ARMCX4: variants seen among roughly 807,000 people sequenced by gnomAD.
ARMCX4 encodes the protein armadillo repeat-containing X-linked protein 4.
In ARMCX4, 3 loss-of-function variants were observed where a neutral mutation model predicts 34.7. The observed-to-expected ratio is 0.09, with a 90% CI of 0.04 to 0.22. The LOEUF (loss-of-function observed/expected upper bound fraction) is 0.22. Ranked by LOEUF, ARMCX4 falls within the 10% of genes least tolerant of loss-of-function variation. The pLI, the probability that ARMCX4 is intolerant of heterozygous loss-of-function variation, is 1.00. For synonymous variants in ARMCX4, 513 were observed against 632.8 expected, an observed-to-expected ratio of 0.81 and a Z score of 2.84; for missense variants, 1,448 against 1,720.8, an observed-to-expected ratio of 0.84 and a Z score of 2.81.
Position 101,493,486 on chromosome X carries a change from G to A in ARMCX4, c.4897G>A (p.Gly1633Arg), listed in dbSNP as rs1556010377. ...GGGGCCTGCAGACCAGTCCAGTGGTGGGTCCTGGGCTGGCACTGGGAATCA... is the reference window on the plus strand; with the variant it reads ...GGGGCCTGCAGACCAGTCCAGTGGTAGGTCCTGGGCTGGCACTGGGAATCA... ...RPGPADQSSG[G>R]SWAGTGNQSS... The change falls in exon 6 of 6, where the codon GGG becomes AGG. Residue 1633 changes from glycine (G) to arginine (R), a missense_variant. By Grantham distance (125) the Gly-to-Arg change is moderately radical. This residue lies in a region of ARMCX4 where 1,343 missense variants were observed against 1,540.7 expected (regional missense o/e 0.87). Coordinates refer to ENST00000423738, the MANE Select transcript of ARMCX4 (RefSeq NM_001256155.3). 2 of 1,155,597 alleles carry A rather than the reference G, an allele frequency of 1.7e-6. No homozygotes were observed. Among genetic ancestry groups the A allele is most frequent in the East Asian group, 3.3e-5 (1 of 30,764 alleles).
At chrX:101,503,789 A>G (rs782582396) in intron 7 of ARMCX4, among the ~76,000 whole-genome samples, 3,729 of 110,021 alleles carry the variant, frequency 0.034, 115 homozygotes, top group African/African-American at 0.094. Context: ...TCTTTAGTTG[A>G]ATTAGATCCC....
At chrX:101,433,071 T>C (rs201926204) in intron 2 of ARMCX4, among the ~76,000 whole-genome samples, 2,014 of 39,213 alleles carry the variant, frequency 0.051, 5 homozygotes, top group Non-Finnish European at 0.086. Context: ...CGTGTATATA[T>C]ACACATATGT....
chrX:101,422,108 C>T (rs782606431), intron 2 of ARMCX4, among the ~76,000 whole-genome samples: 286 of 107,193 alleles, frequency 2.7e-3, no homozygotes, highest in Non-Finnish European at 4.2e-3. Context: ...CTCTGCCTCC[C>T]GGGTTCAAGC....
At chrX:101,440,860 G>T (rs1931239516) in intron 2 of ARMCX4, among the ~76,000 whole-genome samples, 2 of 111,222 alleles carry the variant, frequency 1.8e-5, no homozygotes, top group South Asian at 7.7e-4. Context: ...CGATTTTCCA[G>T]GTGCCGTCTG....
At chrX:101,468,102 T>C (rs868977862) in intron 4 of ARMCX4, among the ~76,000 whole-genome samples, 2 of 110,446 alleles carry the variant, frequency 1.8e-5, no homozygotes, top group African/African-American at 3.3e-5. Context: ...TTTAGTTAAG[T>C]ATATGGTAAA....
chrX:101,424,069 G>A, intron 2 of ARMCX4, among the ~76,000 whole-genome samples: 1 of 110,748 alleles, frequency 9.0e-6, no homozygotes, highest in Admixed American at 9.6e-5. Context: ...TGCCATGTTG[G>A]TGGGGCTGGT....
chrX:101,503,459 C>T (rs1331995770), intron 7 of ARMCX4, among the ~76,000 whole-genome samples: 2 of 111,647 alleles, frequency 1.8e-5, no homozygotes, highest in Non-Finnish European at 3.8e-5. Flanking sequence ...TGTTTCCTTA[C>T]TTTTTAATGA....
intron 4 of ARMCX4, among the ~76,000 whole-genome samples, chrX:101,459,885 G>A (rs1392347425): frequency 1.8e-5 from 2 of 112,242 alleles, no homozygotes; most frequent in Middle Eastern, 4.2e-3. Flanking sequence ...AGTCATTTAT[G>A]GAGTGGAGCA....
intron 11 of ARMCX4, among the ~76,000 whole-genome samples, chrX:101,519,680 T>C (rs1482006906): frequency 8.9e-6 from 1 of 111,806 alleles, no homozygotes; most frequent in Non-Finnish European, 1.9e-5. Context: ...CTTCTAGATA[T>C]ATATACAGAA....
chrX:101,479,307 CA>C (rs1556004913), intron 4 of ARMCX4, among the ~76,000 whole-genome samples: 15 of 641 alleles, frequency 0.023, no homozygotes, highest in Admixed American at 0.17. Context: ...AAGAAAACCA[CA>C]CACACACACA....
chrX:101,447,466 C>G (rs1265774468), downstream of ARMCX4: 1 of 111,961 alleles, frequency 8.9e-6, no homozygotes, highest in Non-Finnish European at 1.9e-5. Flanking sequence ...CGACTAAACC[C>G]TGACAAGGTT....
chrX:101,421,862 G>T (rs782752696), intron 2 of ARMCX4, among the ~76,000 whole-genome samples: 1 of 110,528 alleles, frequency 9.0e-6, no homozygotes, highest in African/African-American at 3.3e-5. Flanking sequence ...CTTGCCTGCT[G>T]CCTAGACAGA....
exon 12 of ARMCX4, chrX:101,531,771 G>A (rs1556022211): frequency 8.9e-6 from 1 of 111,826 alleles, no homozygotes; most frequent in Admixed American, 9.5e-5. Flanking sequence ...GCCTTTATAA[G>A]ACACCATTCC....
intron 11 of ARMCX4, among the ~76,000 whole-genome samples, chrX:101,530,976 C>T (rs1569352904): frequency 8.9e-6 from 1 of 112,375 alleles, no homozygotes; most frequent in East Asian, 2.8e-4. Flanking sequence ...TGTTACCACA[C>T]ACTCAATTGC....
intron 4 of ARMCX4, among the ~76,000 whole-genome samples, chrX:101,479,056 A>G (rs1399736232): frequency 1.8e-5 from 2 of 111,187 alleles, no homozygotes; most frequent in Non-Finnish European, 3.8e-5. Context: ...TTTGATTGTC[A>G]TTTGAAAGTT....
chrX:101,464,372 G>A (rs782134292), intron 4 of ARMCX4, among the ~76,000 whole-genome samples: 29 of 110,900 alleles, frequency 2.6e-4, no homozygotes, highest in African/African-American at 9.1e-4. Flanking sequence ...GTGAAACTCC[G>A]TCTCAAATAA....
At chrX:101,512,890 A>G (rs1487749198) in intron 11 of ARMCX4, among the ~76,000 whole-genome samples, 1 of 104,105 alleles carries the variant, frequency 9.6e-6, no homozygotes, top group East Asian at 3.0e-4. Flanking sequence ...AGAGAGAGAG[A>G]AGAGAGAGAG....
At chrX:101,438,707 A>C (rs1208002644) in intron 2 of ARMCX4, among the ~76,000 whole-genome samples, 3 of 111,457 alleles carry the variant, frequency 2.7e-5, no homozygotes, top group Middle Eastern at 4.6e-3. Flanking sequence ...TTGAATTGAT[A>C]CCTTTACCAT....
intron 8 of ARMCX4, among the ~76,000 whole-genome samples, chrX:101,508,423 G>C (rs1056471398): frequency 1.8e-5 from 2 of 111,435 alleles, no homozygotes; most frequent in African/African-American, 6.5e-5. Flanking sequence ...CCACCTTCTT[G>C]TTGTGTCGTC....
Sources: gnomAD v4.1 joint callset for allele counts (sites outside exome capture counted in the v4.1 genomes callset) on GRCh38, gnomAD v4.1.1 for gene constraint, gnomAD v4.1.1 regional missense constraint, MANE v1.5 for transcripts, NCBI Gene and HGNC (gene_info 2026-07-23, HGNC 2026-07-21) for gene names.